DST: variants seen among roughly 807,000 people sequenced by gnomAD.
DST encodes the protein dystonin, also known as bullous pemphigoid antigen.
Under a neutral mutation model 875.2 loss-of-function variants are expected in DST, and 253 were observed. The observed-to-expected ratio is 0.29, with a 90% CI of 0.26 to 0.32. DST has a LOEUF of 0.32. Among genes scored for constraint, DST ranks in the 10% least tolerant of loss-of-function variants. The pLI is 1.00. For missense variants in DST, 8,287 were observed against 9,111.6 expected, an observed-to-expected ratio of 0.91 and a Z score of 3.68; for synonymous variants, 3,124 against 3,197.1, an observed-to-expected ratio of 0.98 and a Z score of 0.77.
At position 56,519,252 on chromosome 6, in the gene DST, T is replaced by C. The variant is rs372578968; in HGVS notation, c.18130-1632A>G. Among the ~76,000 whole-genome samples the C allele has an allele frequency of 3.3e-5, 5 of 150,298 alleles. No homozygotes were observed. The South Asian group carries it at 8.4e-4, about 25-fold the overall frequency. On this transcript the variant is annotated intron_variant, in intron 69 of 103. Coordinates refer to ENST00000680361, the MANE Select transcript of DST (RefSeq NM_001374736.1). The stretch of plus-strand genomic sequence containing the variant: ...TCTAGCCAAAGAACCAGGAAAGGAG[T>C]AGTTTAGCAAAACAGACAACTTTTA...
At chr6:56,538,470 A>C (rs1344170627) in intron 61 of DST, among the ~76,000 whole-genome samples, 3 of 152,212 alleles carry the variant, frequency 2.0e-5, no homozygotes, top group Admixed American at 6.5e-5. Flanking sequence ...ATACATAGAA[A>C]CATAATAAAG....
chr6:56,835,566 T>C (rs1028945041), intron 4 of DST, among the ~76,000 whole-genome samples: 16 of 152,222 alleles, frequency 1.1e-4, no homozygotes, highest in Non-Finnish European at 2.4e-4. Context: ...AGAGCCACAG[T>C]ACTTGAGTTC....
chr6:56,517,942 T>C (rs2096627144), intron 69 of DST, among the ~76,000 whole-genome samples: 1 of 152,170 alleles, frequency 6.6e-6, no homozygotes. Context: ...CTAACAGTTA[T>C]GAAAGCCAAC....
intron 43 of DST, 65 bp from the exon 44 acceptor site, chr6:56,601,741 T>C (rs2098448164): frequency 1.1e-6 from 1 of 951,120 alleles, no homozygotes; most frequent in African/African-American, 1.7e-5. Flanking sequence ...ATATTAACAA[T>C]AATATTTATG....
chr6:56,668,825 T>C (rs1262216588), intron 10 of DST, among the ~76,000 whole-genome samples: 1 of 151,582 alleles, frequency 6.6e-6, no homozygotes, highest in African/African-American at 2.4e-5. Context: ...AGTGTGTGTA[T>C]GTGGAGGATT....
At chr6:56,502,566 C>A (rs773983697) in intron 78 of DST, among the ~76,000 whole-genome samples, 22 of 151,984 alleles carry the variant, frequency 1.4e-4, no homozygotes, top group Non-Finnish European at 2.8e-4. Flanking sequence ...AGTGGGTGAA[C>A]CTGGACCTAA....
Position 56,604,196 on chromosome 6 carries a change from T to G in DST, c.10432A>C (p.Arg3478=). 1.2e-6 allele frequency: 2 copies of G among 1,604,376 alleles called. No individual in the cohort carries two copies. Among genetic ancestry groups the G allele is most frequent in the Non-Finnish European group, 1.7e-6 (2 of 1,174,586 alleles). ...LTHMEYDLEK[R]GITSKVLPLQ... is the part of the protein sequence containing the mutation. ...GGAAGTACTTTAGACGTAATGCCTC[T>G]TTTCTCTAGGTCATACTCCATATGA... Residue 3478 remains arginine, a synonymous_variant, in exon 40 of 104, where the codon AGA becomes CGA. Transcript: ENST00000680361.
intron 4 of DST, among the ~76,000 whole-genome samples, chr6:56,775,296 A>G (rs1156992447): frequency 1.3e-5 from 2 of 152,196 alleles, no homozygotes; most frequent in Non-Finnish European, 2.9e-5. Flanking sequence ...ACCTGCATCC[A>G]TAGCCAACGT....
At chr6:56,635,103 T>G in intron 24 of DST, 150 bp from the exon 25 acceptor site, 1 of 667,570 alleles carries the variant, frequency 1.5e-6, no homozygotes, top group Non-Finnish European at 2.5e-6. Flanking sequence ...CCCCATCTTG[T>G]ATCCCTCTTC....
At chr6:56,481,852 T>C (rs1183031559) in intron 90 of DST, among the ~76,000 whole-genome samples, 198 bp downstream of exon 90, 1 of 152,178 alleles carries the variant, frequency 6.6e-6, no homozygotes, top group African/African-American at 2.4e-5. Flanking sequence ...AAAAGACAGG[T>C]ACACATACAT....
Position 56,472,090 on chromosome 6 carries a change from T to C in DST, c.22127A>G (p.Lys7376Arg). ...TAGTCTGTCCAAGGCATCATTGAGT[T>C]TCCTCCTTCTTTCCAACGCCAGGAG... is the stretch of plus-strand genomic sequence containing the variant. Reference protein sequence around the residue: ...VWLLALERRRKLNDALDRLEE... With the variant: ...VWLLALERRRRLNDALDRLEE... Residue 7376 changes from lysine to arginine, a missense_variant, in exon 94 of 104, where the codon AAA becomes AGA. Coordinates refer to ENST00000680361, the MANE Select transcript of DST (RefSeq NM_001374736.1). The C allele has an allele frequency of 6.2e-7, 1 of 1,613,958 alleles. No homozygotes were observed.
chr6:56,614,472 C>T lies in DST; in HGVS notation c.4942G>A (p.Glu1648Lys). The change falls in exon 37 of 104, where the codon GAA becomes AAA. Residue 1648 changes from glutamate to lysine, a missense_variant. Glu to Lys is a moderately conservative substitution (Grantham distance 56). This residue lies in a region of DST where 3,138 missense variants were observed against 3,116.6 expected (regional missense o/e 1.01). Coordinates refer to ENST00000680361, the MANE Select transcript of DST (RefSeq NM_001374736.1). ...RLEEEEKSLE[E>K]EKKEHVEKAK... ...TTTTCAACATGTTCTTTCTTTTCTTCTTCCAGTGACTTCTGACAGTTGTGA... is the reference window on the plus strand; with the variant it reads ...TTTTCAACATGTTCTTTCTTTTCTTTTTCCAGTGACTTCTGACAGTTGTGA... 6.2e-7 allele frequency: 1 copy of T among 1,603,000 alleles called. No individual in the cohort carries two copies. The highest frequency in any genetic ancestry group is 8.5e-7 in the Non-Finnish European group (1 of 1,175,182).
chr6:56,461,876 G>C (rs2094348372), intron 102 of DST: 1 of 152,210 alleles, frequency 6.6e-6, no homozygotes, highest in Non-Finnish European at 1.5e-5. Context: ...GTGGAAATGA[G>C]GGGCTTGGGA....
intron 2 of DST, among the ~76,000 whole-genome samples, chr6:56,940,231 CACACAT>C (rs1158973961): frequency 1.2e-4 from 16 of 138,602 alleles, no homozygotes; most frequent in East Asian, 4.3e-4. Context: ...CACACACACA[CACACAT>C]ATATACATAT....
intron 4 of DST, among the ~76,000 whole-genome samples, chr6:56,747,299 T>A (rs1466807060): frequency 1.3e-5 from 2 of 152,206 alleles, no homozygotes; most frequent in African/African-American, 4.8e-5. Flanking sequence ...TATCTCCTCC[T>A]CTACCACTAT....
chr6:56,892,565 A>G (rs1284291257), intron 3 of DST, among the ~76,000 whole-genome samples: 1 of 151,912 alleles, frequency 6.6e-6, no homozygotes, highest in Non-Finnish European at 1.5e-5. Flanking sequence ...AGCTCAAGTG[A>G]TCCTCCCACC....
chr6:56,670,694 G>A lies in DST; in HGVS notation c.1161C>T (p.Phe387=). ...ATTTTCCATCTCTCCAGCAGGTAGTGAAATTTTCACACCGAATTCCAGCAT... is the reference window on the plus strand; with the variant it reads ...ATTTTCCATCTCTCCAGCAGGTAGTAAAATTTTCACACCGAATTCCAGCAT... ...EGYAGIRCEN[F]TTCWRDGKLF... The change falls in exon 10 of 104, where the codon TTC becomes TTT. Residue 387 remains phenylalanine, a synonymous_variant. Transcript: ENST00000680361. 6.2e-7 allele frequency: 1 copy of A among 1,608,284 alleles called. No homozygotes were observed. The highest frequency in any genetic ancestry group is 1.1e-5 in the South Asian group (1 of 89,704).
intron 69 of DST, among the ~76,000 whole-genome samples, chr6:56,522,104 G>A (rs1018518215): frequency 5.9e-5 from 9 of 152,094 alleles, no homozygotes; most frequent in Admixed American, 2.6e-4. Flanking sequence ...ATTTTAAGTA[G>A]CTACATCTAA....
At chr6:56,509,924 AGT>A in intron 73 of DST, 51 bp from the exon 74 acceptor site, 1 of 1,348,958 alleles carries the variant, frequency 7.4e-7, no homozygotes, top group Non-Finnish European at 1.0e-6. Context: ...TGTAATACCA[AGT>A]GTGAAATTTA....
Sources: gnomAD v4.1 joint callset for allele counts (sites outside exome capture counted in the v4.1 genomes callset) on GRCh38, gnomAD v4.1.1 for gene constraint, gnomAD v4.1.1 regional missense constraint, MANE v1.5 for transcripts, NCBI Gene and HGNC (gene_info 2026-07-23, HGNC 2026-07-21) for gene names.